The following CECR2 variants were observed in gnomAD, a reference collection of about 807,000 sequenced individuals.
The protein encoded by CECR2 is CECR2 histone acetyl-lysine reader, also known as chromatin remodeling regulator CECR2.
In CECR2, 30 loss-of-function variants were observed where a neutral mutation model predicts 154.5. That is an observed-to-expected ratio of 0.19 (90% confidence interval 0.15 to 0.26). The LOEUF is 0.26. CECR2 is among the 10% of genes least tolerant of loss of function. The probability of loss-of-function intolerance (pLI) is 1.00; values close to 1 mark genes in which losing one functional copy is unlikely to be tolerated. For missense variants in CECR2, 1,743 were observed against 1,829.3 expected (o/e 0.95, Z 0.86); for synonymous variants, 725 against 683.7 (o/e 1.06, Z -0.94).
intron 1 of CECR2, among the ~76,000 whole-genome samples, chr22:17,476,443 G>A (rs2055209538): frequency 6.6e-6 from 1 of 151,724 alleles, no homozygotes; most frequent in African/African-American, 2.4e-5. Flanking sequence ...TGTATTTGTA[G>A]TAGAGACAGG....
At chr22:17,413,214 C>G (rs1374389168) in intron 1 of CECR2, among the ~76,000 whole-genome samples, 2 of 152,160 alleles carry the variant, frequency 1.3e-5, no homozygotes, top group Non-Finnish European at 2.9e-5. Flanking sequence ...GAGGAAAACA[C>G]AGAGGAGAAC....
chr22:17,364,362 A>AAG (rs1491212019), intron 1 of CECR2, among the ~76,000 whole-genome samples: 1 of 133,412 alleles, frequency 7.5e-6, no homozygotes, highest in African/African-American at 3.3e-5. Flanking sequence ...AAAAAAAAAA[A>AAG]GAATTTGTGC....
chr22:17,370,573 T>C lies in CECR2; in HGVS notation c.126+664T>C, dbSNP rs2063047102. Reference sequence around the variant, plus strand: ...CCTTCCTCCCGTAATATCCAGCCTCTTTATCGCGGGGCTCGGGAGCCCTTG... The same window carrying C: ...CCTTCCTCCCGTAATATCCAGCCTCCTTATCGCGGGGCTCGGGAGCCCTTG... On this transcript the variant is annotated intron_variant, in intron 1 of 18. Transcript: ENST00000262608. 2.0e-5 allele frequency among the ~76,000 whole-genome samples: 3 copies of C among 152,110 alleles called. No individual in the cohort carries two copies. The South Asian group carries it at 6.2e-4, about 32-fold the overall frequency.
intron 1 of CECR2, among the ~76,000 whole-genome samples, chr22:17,393,527 T>C (rs1474386398): frequency 6.6e-6 from 1 of 152,236 alleles, no homozygotes; most frequent in African/African-American, 2.4e-5. Context: ...CTGTTAGGTA[T>C]GTACTAAGAA....
intron 1 of CECR2, among the ~76,000 whole-genome samples, chr22:17,441,552 G>A (rs2054585457): frequency 6.6e-6 from 1 of 152,122 alleles, no homozygotes; most frequent in Non-Finnish European, 1.5e-5. Flanking sequence ...GTAGCCGGGG[G>A]AGATTGACTA....
intron 1 of CECR2, among the ~76,000 whole-genome samples, chr22:17,454,578 C>T (rs1189113628): frequency 2.0e-5 from 3 of 147,644 alleles, no homozygotes; most frequent in Non-Finnish European, 4.4e-5. Flanking sequence ...GCACTCCAGC[C>T]TGGGCGACAC....
At chr22:17,513,109 A>G (rs1039396977) in intron 8 of CECR2, among the ~76,000 whole-genome samples, 1 of 152,084 alleles carries the variant, frequency 6.6e-6, no homozygotes, top group Non-Finnish European at 1.5e-5. Context: ...AGTGTAGCTC[A>G]GGAGCCTGAA....
intron 16 of CECR2, among the ~76,000 whole-genome samples, chr22:17,543,289 C>G (rs533885656): frequency 6.6e-6 from 1 of 152,036 alleles, no homozygotes; most frequent in Non-Finnish European, 1.5e-5. Context: ...CCCGCCACCA[C>G]GCCCGGCTAA....
chr22:17,469,589 C>G (rs2055088818), intron 1 of CECR2, among the ~76,000 whole-genome samples: 1 of 125,216 alleles, frequency 8.0e-6, no homozygotes, highest in Non-Finnish European at 1.6e-5. Context: ...TTGATGATAA[C>G]ATTGTTTTTT....
chr22:17,498,266 C>G (rs897641599), intron 3 of CECR2, among the ~76,000 whole-genome samples: 74 of 152,218 alleles, frequency 4.9e-4, no homozygotes, highest in African/African-American at 1.7e-3. Context: ...TGGCAGGCGC[C>G]TGTAGTCCCA....
At chr22:17,534,375 A>G (rs1029713443) in intron 9 of CECR2, among the ~76,000 whole-genome samples, 34 of 152,242 alleles carry the variant, frequency 2.2e-4, no homozygotes, top group African/African-American at 8.2e-4. Context: ...TGCTCCTTAT[A>G]TAAGTTCCAG....
intron 9 of CECR2, among the ~76,000 whole-genome samples, chr22:17,526,147 A>G (rs547374096): frequency 3.6e-5 from 5 of 137,320 alleles, no homozygotes; most frequent in African/African-American, 1.4e-4. Flanking sequence ...ACAAAAATAG[A>G]AAAAAAAATC....
chr22:17,498,960 A>T (rs1273839181), intron 3 of CECR2, among the ~76,000 whole-genome samples: 2 of 152,022 alleles, frequency 1.3e-5, no homozygotes, highest in East Asian at 3.9e-4. Flanking sequence ...TGAAAATTAC[A>T]TAAGATACTT....
At chr22:17,406,455 G>A (rs747663495) in intron 1 of CECR2, among the ~76,000 whole-genome samples, 2 of 152,178 alleles carry the variant, frequency 1.3e-5, no homozygotes, top group South Asian at 2.1e-4. Flanking sequence ...CCCAGGAGGC[G>A]GAGGTTGCAG....
intron 1 of CECR2, among the ~76,000 whole-genome samples, chr22:17,448,882 T>G (rs2054720445): frequency 6.6e-6 from 1 of 151,780 alleles, no homozygotes; most frequent in East Asian, 2.0e-4. Flanking sequence ...TATTTATTAT[T>G]TATTTATTTT....
At chr22:17,456,652 C>CT (rs918764033) in intron 1 of CECR2, among the ~76,000 whole-genome samples, 2 of 151,936 alleles carry the variant, frequency 1.3e-5, no homozygotes, top group South Asian at 2.1e-4. Context: ...AGAAACATCC[C>CT]TTTTTTAAAA....
intron 9 of CECR2, 45 bp downstream of exon 9, chr22:17,524,316 A>G: frequency 1.3e-6 from 2 of 1,574,286 alleles, no homozygotes; most frequent in Non-Finnish European, 1.7e-6. Flanking sequence ...ATGTCTGTCG[A>G]CCAGCCGTCC....
rs776452695 is a variant in CECR2, at chr22:17,511,821, T to A, written c.879T>A (p.Arg293=). The A allele has an allele frequency of 1.2e-6, 2 of 1,612,290 alleles. No individual in the cohort carries two copies. The highest frequency in any genetic ancestry group is 2.2e-5 in the South Asian group (2 of 90,756). The change falls in exon 8 of 19, where the codon CGT becomes CGA. Residue 293 remains arginine, a synonymous_variant. Coordinates refer to ENST00000262608, the MANE Select transcript of CECR2 (RefSeq NM_001290047.2). ...ICNMIAQKGK[R]PQRTKAELHP... ...TTCACTTCTAACTATAGGGAAAACG[T>A]CCACAGCGCACAAAGGCAGAGTTGC...
Position 17,477,618 on chromosome 22 carries a change from G to T in CECR2, c.157G>T (p.Val53Leu). 6.2e-7 allele frequency: 1 copy of T among 1,613,368 alleles called. No homozygotes were observed. The highest frequency in any genetic ancestry group is 8.5e-7 in the Non-Finnish European group (1 of 1,179,438). The change falls in exon 2 of 19, where the codon GTG becomes TTG. Residue 53 changes from valine to leucine, a missense_variant. By Grantham distance (32) the Val-to-Leu change is conservative. This residue lies in a region of CECR2 where 98 missense variants were observed against 169.3 expected (regional missense o/e 0.58). Coordinates refer to ENST00000262608, the MANE Select transcript of CECR2 (RefSeq NM_001290047.2). Reference sequence around the variant, plus strand: ...AGAAGCCGCTCTTCACAGAGATGACGTGGAGTTTATCAGTGACCTGATTGC... The same window carrying T: ...AGAAGCCGCTCTTCACAGAGATGACTTGGAGTTTATCAGTGACCTGATTGC... Reference protein sequence around the residue: ...ELEAALHRDDVEFISDLIACL... With the variant: ...ELEAALHRDDLEFISDLIACL...
Sources: gnomAD v4.1 joint callset for allele counts (sites outside exome capture counted in the v4.1 genomes callset) on GRCh38, gnomAD v4.1.1 for gene constraint, gnomAD v4.1.1 regional missense constraint, MANE v1.5 for transcripts, NCBI Gene and HGNC (gene_info 2026-07-23, HGNC 2026-07-21) for gene names.